Variants in YAP1 observed in about 807,000 individuals in gnomAD.
YAP1 encodes Yes1 associated transcriptional regulator.
YAP1 carries 5 observed loss-of-function variants against 56.9 expected under a neutral mutation model. That is an observed-to-expected ratio of 0.09 (90% CI 0.05 to 0.18). The LOEUF is 0.18. YAP1 is among the 10% of genes least tolerant of loss of function. The pLI, the probability that YAP1 is intolerant of heterozygous loss-of-function variation, is 1.00. For missense variants in YAP1, 539 were observed against 651.8 expected (o/e 0.83, Z 1.88); for synonymous variants, 265 against 248.1 (o/e 1.07, Z -0.64).
At chr11:102,120,472 T>C (rs7126535) in intron 2 of YAP1, among the ~76,000 whole-genome samples, 74,636 of 152,096 alleles carry the variant, frequency 0.49, 19,960 homozygotes, top group African/African-American at 0.7. Flanking sequence ...GGTTTTCTTC[T>C]ACCAGATATT....
chr11:102,228,501 G>A (rs541949724), intron 8 of YAP1, among the ~76,000 whole-genome samples: 128 of 151,902 alleles, frequency 8.4e-4, no homozygotes, highest in African/African-American at 2.9e-3. Context: ...CACATGTGGT[G>A]GTATGCACCT....
At chr11:102,112,319 A>G (rs1942989677) in intron 1 of YAP1, 2 of 829,048 alleles carry the variant, frequency 2.4e-6, no homozygotes, top group Non-Finnish European at 1.5e-6. Context: ...AACTTGATTC[A>G]GCATAGAAGT....
intron 7 of YAP1, chr11:102,227,195 T>C: frequency 3.0e-6 from 1 of 329,358 alleles, no homozygotes. Flanking sequence ...GGGTATCTTT[T>C]TTTGTCCCTT....
intron 3 of YAP1, among the ~76,000 whole-genome samples, chr11:102,165,272 A>G (rs1946535362): frequency 6.6e-6 from 1 of 152,056 alleles, no homozygotes; most frequent in Non-Finnish European, 1.5e-5. Flanking sequence ...AGGTGGGAGG[A>G]TGGCTTGAGC....
intron 3 of YAP1, among the ~76,000 whole-genome samples, chr11:102,168,286 T>C (rs1946718359): frequency 6.6e-6 from 1 of 152,192 alleles, no homozygotes; most frequent in Non-Finnish European, 1.5e-5. Flanking sequence ...TTGCTGAATC[T>C]TCAAGGGACA....
chr11:102,120,956 T>A (rs1943610891), intron 2 of YAP1, among the ~76,000 whole-genome samples: 1 of 152,218 alleles, frequency 6.6e-6, no homozygotes, highest in Non-Finnish European at 1.5e-5. Context: ...AAGCAAGATG[T>A]GGATTTTTTT....
At chr11:102,199,521 C>T (rs751428605) in intron 4 of YAP1, among the ~76,000 whole-genome samples, 21 of 152,182 alleles carry the variant, frequency 1.4e-4, no homozygotes, top group Admixed American at 5.2e-4. Flanking sequence ...CATAAGTCTT[C>T]GTGAGTTAAT....
intron 2 of YAP1, among the ~76,000 whole-genome samples, chr11:102,161,325 G>A (rs1946270157): frequency 7.0e-6 from 1 of 142,314 alleles, no homozygotes; most frequent in Admixed American, 7.3e-5. Flanking sequence ...GCCTCCCAGA[G>A]TCTTTCTGTG....
At chr11:102,223,854 C>CA in intron 7 of YAP1, 102 bp downstream of exon 7, 1 of 1,425,602 alleles carries the variant, frequency 7.0e-7, no homozygotes, top group Admixed American at 2.0e-5. Flanking sequence ...CTGTGTGGGC[C>CA]AAAAACCATA....
intron 4 of YAP1, among the ~76,000 whole-genome samples, chr11:102,188,957 A>T (rs907047351): frequency 2.6e-5 from 4 of 152,120 alleles, no homozygotes; most frequent in Non-Finnish European, 2.9e-5. Context: ...TTTCTTTAAT[A>T]TTTTAATTTT....
chr11:102,188,852 A>G (rs1211796039), intron 4 of YAP1, among the ~76,000 whole-genome samples: 2 of 152,242 alleles, frequency 1.3e-5, no homozygotes, highest in African/African-American at 4.8e-5. Flanking sequence ...ATCTCACATG[A>G]AATTAATGTT....
chr11:102,228,357 A>G (rs1168311648), intron 8 of YAP1, among the ~76,000 whole-genome samples: 2 of 152,020 alleles, frequency 1.3e-5, no homozygotes, highest in Non-Finnish European at 2.9e-5. Flanking sequence ...GCAGAAGGCC[A>G]GGTGCGGTGG....
In YAP1 at chr11:102,182,683, A is replaced by G. The variant is rs532794680; in HGVS notation, c.689-3335A>G. 1.2e-4 allele frequency among the ~76,000 whole-genome samples: 18 copies of G among 152,306 alleles called. No homozygotes were observed. In the South Asian group the frequency reaches 3.5e-3, roughly 30 times the overall value. On this transcript the variant is annotated intron_variant, in intron 3 of 8. Transcript: ENST00000282441. ...TTTCAGTTTTCTCTATCTTAATTCTATGACAAAGATAGTGTGGTGAAAAGT... is the reference window on the plus strand; with the variant it reads ...TTTCAGTTTTCTCTATCTTAATTCTGTGACAAAGATAGTGTGGTGAAAAGT...
At chr11:102,216,168 T>G (rs1456808438) in intron 6 of YAP1, among the ~76,000 whole-genome samples, 1 of 152,232 alleles carries the variant, frequency 6.6e-6, no homozygotes, top group East Asian at 1.9e-4. Context: ...GGTGTCCTGC[T>G]TCTGGGGAGG....
At position 102,233,266 on chromosome 11, in the gene YAP1, T is replaced by C. The variant is rs777515083; in HGVS notation, c.*3326T>C. 2.0e-5 allele frequency: 3 copies of C among 152,318 alleles called. No individual in the cohort carries two copies. Among genetic ancestry groups the C allele is most frequent in the Non-Finnish European group, 4.4e-5 (3 of 68,034 alleles). 9.4% of individuals were successfully genotyped at this position (152,318 alleles called of 1,614,324 possible). A position where few individuals can be genotyped will look rare whatever the true frequency, so the allele number is the denominator to read the frequency against. On this transcript the variant is annotated 3_prime_UTR_variant, in exon 9 of 9. Transcript: ENST00000282441. The stretch of plus-strand genomic sequence containing the variant: ...TTCTTTAATGCACACTTGTCAAATA[T>C]ATATATATAGTACCAATGTTACCTT...
chr11:102,123,382 C>G (rs528583278), intron 2 of YAP1, among the ~76,000 whole-genome samples: 1 of 152,224 alleles, frequency 6.6e-6, no homozygotes, highest in African/African-American at 2.4e-5. Context: ...CCTTGGCTTT[C>G]ATCCTGGGGA....
chr11:102,189,785 A>G (rs566485262), intron 4 of YAP1, among the ~76,000 whole-genome samples: 1 of 152,262 alleles, frequency 6.6e-6, no homozygotes. Context: ...AGTAAAATAC[A>G]AATACCTATA....
chr11:102,227,188 T>C (rs2135717589), intron 7 of YAP1: 1 of 303,250 alleles, frequency 3.3e-6, no homozygotes, highest in East Asian at 6.2e-5. Context: ...TAACTGGGGG[T>C]ATCTTTTTTT....
At chr11:102,225,052 T>C (rs1176770572) in intron 7 of YAP1, among the ~76,000 whole-genome samples, 1 of 152,230 alleles carries the variant, frequency 6.6e-6, no homozygotes, top group Non-Finnish European at 1.5e-5. Context: ...TTTGAGATTC[T>C]ATTTTCTGGG....
Sources: allele counts gnomAD v4.1 joint callset (sites outside exome capture counted in the v4.1 genomes callset), GRCh38; gene constraint gnomAD v4.1.1; transcripts MANE v1.5; gene names NCBI Gene and HGNC (gene_info 2026-07-23, HGNC 2026-07-21).